The following KCTD8 variants were observed in gnomAD, a reference collection of about 807,000 sequenced individuals.
KCTD8 encodes BTB/POZ domain-containing protein KCTD8.
Under a neutral mutation model 31.5 loss-of-function variants are expected in KCTD8, and 27 were observed. That is an observed-to-expected ratio of 0.86 (90% CI 0.63 to 1.18). The LOEUF is 1.18. Among genes scored for constraint, KCTD8 ranks in the 50% most tolerant of loss-of-function variants. The pLI is 0.00. For synonymous variants in KCTD8, 290 were observed against 280.0 expected (o/e 1.04, Z -0.36); for missense variants, 658 against 647.7 (o/e 1.02, Z -0.17).
At chr4:44,376,249 T>A (rs1719913766) in intron 1 of KCTD8, among the ~76,000 whole-genome samples, 1 of 152,128 alleles carries the variant, frequency 6.6e-6, no homozygotes, top group Non-Finnish European at 1.5e-5. Context: ...AACTGTCTCT[T>A]CTCATGTTCT....
In KCTD8 at chr4:44,265,315, G is replaced by T. The variant is rs995795835; in HGVS notation, c.962-90065C>A. Among the ~76,000 whole-genome samples, 14 of 152,286 alleles carry T rather than the reference G, an allele frequency of 9.2e-5. No individual in the cohort carries two copies. In the South Asian group the frequency reaches 1.2e-3, roughly 14 times the overall value. The stretch of plus-strand genomic sequence containing the variant: ...AGTGGACCTCTAGCAAACTCCAACA[G>T]AACTGCAGCTGAGGGTACTGTATGT... On this transcript the variant is annotated intron_variant, in intron 1 of 1. Coordinates refer to ENST00000360029, the MANE Select transcript of KCTD8 (RefSeq NM_198353.3).
At chr4:44,252,247 A>T (rs1715860560) in intron 1 of KCTD8, among the ~76,000 whole-genome samples, 1 of 151,632 alleles carries the variant, frequency 6.6e-6, no homozygotes, top group Non-Finnish European at 1.5e-5. Flanking sequence ...CATATATCAC[A>T]ATTTATTTAT....
intron 1 of KCTD8, among the ~76,000 whole-genome samples, chr4:44,246,488 CT>C (rs1457180603): frequency 2.6e-5 from 4 of 152,004 alleles, no homozygotes; most frequent in Admixed American, 6.6e-5. Flanking sequence ...TACAAATATC[CT>C]CTTTCAAGAT....
chr4:44,269,393 G>C (rs2109371094), intron 1 of KCTD8, among the ~76,000 whole-genome samples: 1 of 151,702 alleles, frequency 6.6e-6, no homozygotes, highest in Admixed American at 6.6e-5. Flanking sequence ...ATTAATTCAA[G>C]ATGGATTAAA....
intron 1 of KCTD8, among the ~76,000 whole-genome samples, chr4:44,290,605 A>C (rs1198732815): frequency 6.6e-6 from 1 of 152,194 alleles, no homozygotes; most frequent in African/African-American, 2.4e-5. Flanking sequence ...AACCATATCA[A>C]GCACTCTCTT....
chr4:44,335,908 T>C (rs1175195043), intron 1 of KCTD8, among the ~76,000 whole-genome samples: 1 of 151,804 alleles, frequency 6.6e-6, no homozygotes, highest in Non-Finnish European at 1.5e-5. Flanking sequence ...CCCAGCACTT[T>C]GGGAGGCCGA....
intron 1 of KCTD8, among the ~76,000 whole-genome samples, chr4:44,254,448 G>C (rs1715934882): frequency 6.6e-6 from 1 of 151,888 alleles, no homozygotes; most frequent in South Asian, 2.1e-4. Flanking sequence ...AAGTCTTATA[G>C]GGTCTTAACT....
At chr4:44,396,447 G>A (rs990227227) in intron 1 of KCTD8, among the ~76,000 whole-genome samples, 1 of 145,334 alleles carries the variant, frequency 6.9e-6, no homozygotes, top group Non-Finnish European at 1.5e-5. Flanking sequence ...ACTACTCAAG[G>A]AAAGTTGTTT....
intron 1 of KCTD8, among the ~76,000 whole-genome samples, chr4:44,306,173 A>G (rs1409267154): frequency 6.6e-6 from 1 of 152,016 alleles, no homozygotes; most frequent in Non-Finnish European, 1.5e-5. Context: ...ATAAATGTAA[A>G]AACAGAAGAT....
chr4:44,268,946 G>C (rs1716484180), intron 1 of KCTD8, among the ~76,000 whole-genome samples: 2 of 152,126 alleles, frequency 1.3e-5, no homozygotes, highest in South Asian at 4.1e-4. Context: ...AATCAATATT[G>C]TGAAAACGGC....
At position 44,448,155 on chromosome 4, in the gene KCTD8, G is replaced by C; in HGVS notation, c.369C>G (p.His123Gln). 6.2e-7 allele frequency: 1 copy of C among 1,612,630 alleles called. No individual in the cohort carries two copies. The highest frequency in any genetic ancestry group is 1.1e-5 in the South Asian group (1 of 91,060). ...LRDKQLALPE[H>Q]FPEKERLLRE... The stretch of plus-strand genomic sequence containing the variant: ...GCAGCAGCCGCTCCTTCTCGGGGAA[G>C]TGCTCCGGCAGCGCGAGTTGCTTGT... The change falls in exon 1 of 2, where the codon CAC becomes CAG. Residue 123 changes from histidine to glutamine, a missense_variant. By Grantham distance (24) the His-to-Gln change is conservative. Transcript: ENST00000360029. This position sits in a 1 kb window ranked among gnomAD's most constrained non-coding sequence, Gnocchi z 4.1.
chr4:44,299,609 T>C (rs1200159120), intron 1 of KCTD8, among the ~76,000 whole-genome samples: 1 of 151,854 alleles, frequency 6.6e-6, no homozygotes, highest in Admixed American at 6.6e-5. Flanking sequence ...GTGCCTGTAT[T>C]CTCAGCTACT....
intron 1 of KCTD8, among the ~76,000 whole-genome samples, chr4:44,380,433 T>C (rs888071867): frequency 1.3e-5 from 2 of 149,538 alleles, no homozygotes; most frequent in Non-Finnish European, 3.0e-5. Flanking sequence ...AAAAAAAAAA[T>C]CAGTATTGGC....
At chr4:44,182,450 T>C (rs2109330995) in intron 1 of KCTD8, among the ~76,000 whole-genome samples, 1 of 152,304 alleles carries the variant, frequency 6.6e-6, no homozygotes, top group South Asian at 2.1e-4. Flanking sequence ...CTAAGAAAAA[T>C]TCTTCTGCCT....
At chr4:44,395,700 A>T (rs112117519) in intron 1 of KCTD8, among the ~76,000 whole-genome samples, 10 of 151,998 alleles carry the variant, frequency 6.6e-5, no homozygotes, top group African/African-American at 2.4e-4. Flanking sequence ...CCTTTGCAAA[A>T]AATGTTCGTA....
intron 1 of KCTD8, among the ~76,000 whole-genome samples, chr4:44,370,853 G>T (rs1719764371): frequency 6.6e-6 from 1 of 152,180 alleles, no homozygotes; most frequent in African/African-American, 2.4e-5. Context: ...TAGCCTAACA[G>T]TACTGGCTCC....
At chr4:44,400,854 T>A (rs914056518) in intron 1 of KCTD8, among the ~76,000 whole-genome samples, 6 of 151,982 alleles carry the variant, frequency 3.9e-5, no homozygotes, top group African/African-American at 1.4e-4. Context: ...GTAATATTTT[T>A]TTTTTAGTTT....
chr4:44,285,980 A>C (rs1717056586), intron 1 of KCTD8, among the ~76,000 whole-genome samples: 1 of 152,182 alleles, frequency 6.6e-6, no homozygotes, highest in African/African-American at 2.4e-5. Context: ...AGATTAAATT[A>C]ACGAGTTAAA....
chr4:44,255,276 C>A (rs546100180), intron 1 of KCTD8, among the ~76,000 whole-genome samples: 33 of 151,964 alleles, frequency 2.2e-4, no homozygotes, highest in African/African-American at 6.5e-4. Context: ...CCCATCTAAG[C>A]CCCTAGGGCT....
Sources: allele counts gnomAD v4.1 joint callset (sites outside exome capture counted in the v4.1 genomes callset), GRCh38; gene constraint gnomAD v4.1.1; non-coding constraint Gnocchi (gnomAD v3.1); transcripts MANE v1.5; gene names NCBI Gene and HGNC (gene_info 2026-07-23, HGNC 2026-07-21).